Variants in LPCAT1 observed in about 807,000 individuals in gnomAD.
The protein encoded by LPCAT1 is lysophosphatidylcholine acyltransferase 1.
A neutral mutation model predicts 60.9 loss-of-function variants in LPCAT1; 23 were observed. That is an observed-to-expected ratio of 0.38 (90% confidence interval 0.27 to 0.53). The LOEUF is 0.53. Ranked by LOEUF, LPCAT1 falls within the 20% of genes least tolerant of loss-of-function variation. The pLI is 0.82. For synonymous variants in LPCAT1, 340 were observed against 301.1 expected (o/e 1.13, Z -1.34); for missense variants, 622 against 723.6 (o/e 0.86, Z 1.61).
At chr5:1,465,932 A>T (rs904310727) in intron 13 of LPCAT1, among the ~76,000 whole-genome samples, 1 of 152,204 alleles carries the variant, frequency 6.6e-6, no homozygotes, top group Non-Finnish European at 1.5e-5. Context: ...CTAAGCACAC[A>T]TACATGCTTT....
chr5:1,483,333 T>C lies in LPCAT1; in HGVS notation c.726+95A>G, dbSNP rs1735234791. 9 of 1,287,288 alleles carry C rather than the reference T, an allele frequency of 7.0e-6. No homozygotes were observed. The highest frequency in any genetic ancestry group is 1.0e-5 in the Non-Finnish European group (9 of 884,212). 79.7% of individuals were successfully genotyped at this position (1,287,288 alleles called of 1,614,324 possible). Reference sequence around the variant, plus strand: ...TGGGCTGTGGCGCAGATAAAGGGTGTGGAGAGACAGAGACACAGGTGCACA... The same window carrying C: ...TGGGCTGTGGCGCAGATAAAGGGTGCGGAGAGACAGAGACACAGGTGCACA... On this transcript the variant is annotated intron_variant, in intron 6 of 13. Transcript: ENST00000283415. This position sits in a 1 kb window ranked among gnomAD's most constrained non-coding sequence, Gnocchi z 9.2.
At chr5:1,488,103 C>T (rs1735439937) in intron 5 of LPCAT1, among the ~76,000 whole-genome samples, 1 of 152,176 alleles carries the variant, frequency 6.6e-6, no homozygotes, top group Non-Finnish European at 1.5e-5. Context: ...ACCCCTTCTG[C>T]ACCCAGGACC....
At chr5:1,513,036 T>A (rs1233363619) in intron 1 of LPCAT1, among the ~76,000 whole-genome samples, 2 of 151,154 alleles carry the variant, frequency 1.3e-5, no homozygotes, top group Non-Finnish European at 1.5e-5. Context: ...AAATCAGGAG[T>A]AGAGAGTGCA....
chr5:1,505,830 CTG>C (rs921782108), intron 1 of LPCAT1, among the ~76,000 whole-genome samples: 16 of 152,250 alleles, frequency 1.1e-4, no homozygotes, highest in African/African-American at 3.6e-4. Flanking sequence ...ACGGGGAGGA[CTG>C]TGTGAACAAG....
intron 13 of LPCAT1, 144 bp downstream of exon 13, chr5:1,466,605 T>A: frequency 2.4e-6 from 2 of 830,168 alleles, no homozygotes. Context: ...TTCTCAGGGG[T>A]TTCTTTGTTA....
intron 8 of LPCAT1, among the ~76,000 whole-genome samples, chr5:1,478,002 A>G (rs936173072): frequency 1.3e-5 from 2 of 152,394 alleles, no homozygotes; most frequent in East Asian, 3.9e-4. Flanking sequence ...TGCTGCCTAC[A>G]TCAGAACATC....
intron 13 of LPCAT1, among the ~76,000 whole-genome samples, chr5:1,464,083 A>G (rs983538721): frequency 6.6e-6 from 1 of 151,970 alleles, no homozygotes; most frequent in African/African-American, 2.4e-5. Flanking sequence ...CTTTTGGGAA[A>G]CCCTACAGAA....
At chr5:1,514,527 C>T (rs1366264160) in intron 1 of LPCAT1, among the ~76,000 whole-genome samples, 1 of 152,214 alleles carries the variant, frequency 6.6e-6, no homozygotes, top group African/African-American at 2.4e-5. Context: ...ACGGGGCCCA[C>T]AGGTGGTCAA....
chr5:1,506,391 C>T (rs1736188718), intron 1 of LPCAT1, among the ~76,000 whole-genome samples: 1 of 152,242 alleles, frequency 6.6e-6, no homozygotes, highest in Non-Finnish European at 1.5e-5. Context: ...GCTGTGACTC[C>T]TTCCAGAAGC....
chr5:1,473,971 A>G lies in LPCAT1; in HGVS notation c.1165T>C (p.Ser389Pro). Residue 389 changes from serine to proline, a missense_variant, in exon 11 of 14, where the codon TCA becomes CCA. Physicochemically the swap from Ser to Pro is moderately conservative, Grantham distance 74. Around this residue, in one of 3 missense-constraint regions of LPCAT1, gnomAD observed 288 missense variants for 283.6 expected, o/e 1.02. Transcript: ENST00000283415. ...ACAGGCCCTACCTCGTCGAACAGTG[A>G]AAACATGTCTTCCAGCAAGTCAGAA... Reference protein sequence around the residue: ...PVSDLLEDMFSLFDESGSGEV... With the variant: ...PVSDLLEDMFPLFDESGSGEV... 6.2e-7 allele frequency: 1 copy of G among 1,614,200 alleles called. No homozygotes were observed.
At chr5:1,473,434 G>A (rs981970836) in intron 11 of LPCAT1, among the ~76,000 whole-genome samples, 13 of 152,262 alleles carry the variant, frequency 8.5e-5, no homozygotes, top group Non-Finnish European at 1.5e-4. Context: ...GCCATGTTCA[G>A]GGCCACCTGG....
In LPCAT1 at chr5:1,477,549, C is replaced by T. The variant is rs554960085; in HGVS notation, c.817-63G>A. The T allele has an allele frequency of 1.5e-4, 187 of 1,234,206 alleles. No homozygotes were observed. Among genetic ancestry groups the T allele is most frequent in the Non-Finnish European group, 1.9e-4 (165 of 851,856 alleles). The allele number at this position is 1,234,206 out of a possible 1,614,324, so 76.5% of individuals were successfully genotyped here. On this transcript the variant is annotated intron_variant, in intron 8 of 13. Transcript: ENST00000283415. The surrounding 1 kb of genome is among the most constrained non-coding windows in gnomAD (Gnocchi z 6.0). ...GCTGACCTCAGCAACACCACTGTAA[C>T]GACAACTGGGAGGCTGACAAAATTA...
Position 1,483,335 on chromosome 5 carries a change from G to C in LPCAT1, c.726+93C>G, listed in dbSNP as rs1447597892. ...GGCTGTGGCGCAGATAAAGGGTGTG[G>C]AGAGACAGAGACACAGGTGCACAGA... is the stretch of plus-strand genomic sequence containing the variant. On this transcript the variant is annotated intron_variant, in intron 6 of 13. Transcript: ENST00000283415. This position sits in a 1 kb window ranked among gnomAD's most constrained non-coding sequence, Gnocchi z 9.2. 5 of 1,301,508 alleles carry C rather than the reference G, an allele frequency of 3.8e-6. No homozygotes were observed. Among genetic ancestry groups the C allele is most frequent in the Non-Finnish European group, 5.6e-6 (5 of 897,102 alleles). The allele number at this position is 1,301,508 out of a possible 1,614,324, so 80.6% of individuals were successfully genotyped here.
chr5:1,466,648 G>A, intron 13 of LPCAT1, 101 bp downstream of exon 13: 6 of 1,294,696 alleles, frequency 4.6e-6, no homozygotes, highest in East Asian at 2.7e-5. Flanking sequence ...AGGCATGGCG[G>A]GGACTCCACT....
At chr5:1,509,849 G>C (rs116644961) in intron 1 of LPCAT1, among the ~76,000 whole-genome samples, 4,858 of 152,218 alleles carry the variant, frequency 0.032, 257 homozygotes, top group African/African-American at 0.11. Flanking sequence ...GGCTCTCTCT[G>C]CACACACAAC....
In LPCAT1 at chr5:1,483,732, C is replaced by T. The variant is rs145398614; in HGVS notation, c.668-246G>A. Among the ~76,000 whole-genome samples, 209 of 152,002 alleles carry T rather than the reference C, an allele frequency of 1.4e-3. 2 individuals carry two copies. The highest frequency in any genetic ancestry group is 4.7e-3 in the African/African-American group (196 of 41,470). ...GGCCAAGGAACACTTTCTGTTTTAACATCGCGCACGAGCTGGAAGGCGTCT... is the reference window on the plus strand; with the variant it reads ...GGCCAAGGAACACTTTCTGTTTTAATATCGCGCACGAGCTGGAAGGCGTCT... On this transcript the variant is annotated intron_variant, in intron 5 of 13. Transcript: ENST00000283415. The surrounding 1 kb of genome is among the most constrained non-coding windows in gnomAD (Gnocchi z 9.2).
At chr5:1,492,263 G>A (rs187909154) in intron 3 of LPCAT1, among the ~76,000 whole-genome samples, 76 of 150,956 alleles carry the variant, frequency 5.0e-4, no homozygotes, top group African/African-American at 1.8e-3. Flanking sequence ...CTGGGGAGAT[G>A]TCTCTGAGCT....
At chr5:1,515,414 C>T (rs1327824701) in intron 1 of LPCAT1, among the ~76,000 whole-genome samples, 1 of 151,152 alleles carries the variant, frequency 6.6e-6, no homozygotes, top group East Asian at 2.0e-4. Context: ...GCCCTGTACA[C>T]CCTGCGCCAC....
chr5:1,466,294 G>C (rs1412149046), intron 13 of LPCAT1, among the ~76,000 whole-genome samples: 1 of 152,168 alleles, frequency 6.6e-6, no homozygotes, highest in Non-Finnish European at 1.5e-5. Flanking sequence ...CTTTTCTCGG[G>C]AGGAAGTCGC....
Sources: allele counts gnomAD v4.1 joint callset (sites outside exome capture counted in the v4.1 genomes callset), GRCh38; gene constraint gnomAD v4.1.1; regional missense constraint gnomAD v4.1.1; non-coding constraint Gnocchi (gnomAD v3.1); transcripts MANE v1.5; gene names NCBI Gene and HGNC (gene_info 2026-07-23, HGNC 2026-07-21).